The following TRIM5 variants were observed in gnomAD, a reference collection of about 807,000 sequenced individuals.
TRIM5 encodes the protein tripartite motif-containing protein 5.
TRIM5 carries 31 observed loss-of-function variants against 35.6 expected under a neutral mutation model. The ratio of observed to expected loss-of-function variants is 0.87; its 90% CI spans 0.65 to 1.18. The LOEUF (loss-of-function observed/expected upper bound fraction) is 1.18. Among genes scored for constraint, TRIM5 ranks in the 50% most tolerant of loss-of-function variants. TRIM5 has a pLI of 0.00. For synonymous variants in TRIM5, 243 were observed against 215.6 expected (o/e 1.13, Z -1.11); for missense variants, 609 against 591.6 (o/e 1.03, Z -0.31).
At chr11:5,612,117 A>G in the TRIM5 span, 1 of 152,202 alleles carries the variant, frequency 6.6e-6, no homozygotes, top group Non-Finnish European at 1.5e-5. Flanking sequence ...GTTGTATGCA[A>G]TACTGGATTT....
downstream of TRIM5, among the ~76,000 whole-genome samples, chr11:5,658,420 G>A (rs559379240): frequency 3.9e-5 from 6 of 152,130 alleles, no homozygotes; most frequent in Non-Finnish European, 8.8e-5. Flanking sequence ...CCAAGCCCAC[G>A]TGTGATCCAA....
downstream of TRIM5, among the ~76,000 whole-genome samples, chr11:5,658,725 T>G (rs777688922): frequency 1.3e-5 from 2 of 152,220 alleles, no homozygotes; most frequent in Non-Finnish European, 2.9e-5. Flanking sequence ...TGCATGTGTC[T>G]TTATAGCAGC....
At chr11:5,606,576 T>TA in the TRIM5 span, among the ~76,000 whole-genome samples, 1 of 152,208 alleles carries the variant, frequency 6.6e-6, no homozygotes, top group Non-Finnish European at 1.5e-5. Context: ...TTCTGCCTGT[T>TA]ACAGCTTTTT....
At chr11:5,681,614 G>A (rs61612437) in intron 1 of TRIM5, among the ~76,000 whole-genome samples, 2,974 of 152,110 alleles carry the variant, frequency 0.02, 101 homozygotes, top group African/African-American at 0.068. Context: ...CAATAAACTT[G>A]TTTGTGGAGG....
At chr11:5,619,465 C>A in the TRIM5 span, among the ~76,000 whole-genome samples, 19 of 151,132 alleles carry the variant, frequency 1.3e-4, no homozygotes, top group Admixed American at 3.3e-4. Context: ...TTTACTCTCT[C>A]TCTGCCAGAA....
the TRIM5 span, among the ~76,000 whole-genome samples, chr11:5,606,932 GGTGGCTC>G: frequency 6.6e-6 from 1 of 152,180 alleles, no homozygotes; most frequent in South Asian, 2.1e-4. Context: ...GGCCGAGCGC[GGTGGCTC>G]ACGCCTGTAA....
chr11:5,631,011 G>A, the TRIM5 span, among the ~76,000 whole-genome samples: 1 of 152,136 alleles, frequency 6.6e-6, no homozygotes, highest in African/African-American at 2.4e-5. Context: ...CCTAAATGTG[G>A]TCTCCCTTTA....
chr11:5,642,589 T>C, the TRIM5 span: 1 of 1,520,230 alleles, frequency 6.6e-7, no homozygotes. Context: ...TAACTTAAAA[T>C]TGAGGACAGA....
At chr11:5,627,770 A>C in the TRIM5 span, among the ~76,000 whole-genome samples, 1 of 152,128 alleles carries the variant, frequency 6.6e-6, no homozygotes, top group Non-Finnish European at 1.5e-5. Context: ...AACAGGCTCT[A>C]CTTTCCTTAT....
the TRIM5 span, among the ~76,000 whole-genome samples, chr11:5,652,116 G>C: frequency 6.6e-6 from 1 of 151,736 alleles, no homozygotes; most frequent in Non-Finnish European, 1.5e-5. Flanking sequence ...TCCGTTTTTT[G>C]TTTTTGTTTT....
chr11:5,626,271 G>A, the TRIM5 span, among the ~76,000 whole-genome samples: 11 of 152,116 alleles, frequency 7.2e-5, no homozygotes, highest in African/African-American at 2.2e-4. Flanking sequence ...TGAAATATAC[G>A]TGGAAGCCTA....
At chr11:5,645,867 GAA>G in the TRIM5 span, 76 of 135,514 alleles carry the variant, frequency 5.6e-4, no homozygotes, top group Middle Eastern at 3.3e-3. Context: ...TAGTCTTCTG[GAA>G]AAAAAAAAAA....
At chr11:5,655,983 C>A in the TRIM5 span, among the ~76,000 whole-genome samples, 8 of 152,158 alleles carry the variant, frequency 5.3e-5, no homozygotes, top group African/African-American at 1.9e-4. Context: ...CCCTTCCTTA[C>A]ACCTTATAGA....
chr11:5,610,428 A>G, the TRIM5 span: 2 of 1,601,362 alleles, frequency 1.2e-6, no homozygotes, highest in Admixed American at 3.4e-5. Context: ...GCCAGGTGAC[A>G]TCCTCACAGG....
the TRIM5 span, chr11:5,605,646 C>G: frequency 4.5e-5 from 66 of 1,476,550 alleles, no homozygotes; most frequent in Non-Finnish European, 5.7e-5. Context: ...GGACATCAGA[C>G]TACCATCGTT....
At chr11:5,675,943 T>C (rs1372163587) in intron 4 of TRIM5, among the ~76,000 whole-genome samples, 6 of 111,660 alleles carry the variant, frequency 5.4e-5, no homozygotes, top group African/African-American at 1.1e-4. Flanking sequence ...TGAGTGAGAA[T>C]ATGCGGTGTT....
chr11:5,611,454 G>A, the TRIM5 span: 1 of 1,040,586 alleles, frequency 9.6e-7, no homozygotes, highest in South Asian at 1.6e-5. Flanking sequence ...GTTGTTTTTT[G>A]GTTTTTGAAT....
At chr11:5,614,643 A>G in the TRIM5 span, among the ~76,000 whole-genome samples, 1 of 152,138 alleles carries the variant, frequency 6.6e-6, no homozygotes, top group Non-Finnish European at 1.5e-5. Flanking sequence ...CTATAGCCTA[A>G]AGTTTGTAAA....
At chr11:5,680,980 C>CT (rs201247189) in intron 1 of TRIM5, among the ~76,000 whole-genome samples, 5 of 152,142 alleles carry the variant, frequency 3.3e-5, no homozygotes, top group Admixed American at 2.6e-4. Flanking sequence ...CCAATTAATA[C>CT]CCAGAGCAAT....
Sources: allele counts gnomAD v4.1 joint callset (sites outside exome capture counted in the v4.1 genomes callset), GRCh38; gene constraint gnomAD v4.1.1; transcripts MANE v1.5; gene names NCBI Gene and HGNC (gene_info 2026-07-23, HGNC 2026-07-21).